Variants in ELF5 observed in about 807,000 individuals in gnomAD.
ELF5 encodes the protein ETS-related transcription factor Elf-5.
In ELF5, 31 loss-of-function variants were observed where a neutral mutation model predicts 38.2. The ratio of observed to expected loss-of-function variants is 0.81; its 90% CI spans 0.61 to 1.10. The LOEUF (loss-of-function observed/expected upper bound fraction) is 1.10. ELF5 is among the 50% of genes least tolerant of loss of function. The pLI is 0.00. For synonymous variants in ELF5, 121 were observed against 112.5 expected (o/e 1.08, Z -0.48); for missense variants, 300 against 306.6 (o/e 0.98, Z 0.16).
intron 2 of ELF5, among the ~76,000 whole-genome samples, chr11:34,505,088 G>C (rs1394535050): frequency 6.6e-6 from 1 of 152,158 alleles, no homozygotes; most frequent in Non-Finnish European, 1.5e-5. Flanking sequence ...AACTTGCATG[G>C]AGCTTAACTG....
At chr11:34,484,311 T>C (rs1857015203) in intron 4 of ELF5, among the ~76,000 whole-genome samples, 1 of 151,702 alleles carries the variant, frequency 6.6e-6, no homozygotes, top group African/African-American at 2.4e-5. Context: ...ATACTAACTA[T>C]ACTGTACCAT....
chr11:34,482,239 C>T (rs1856957919), intron 5 of ELF5, among the ~76,000 whole-genome samples, 192 bp downstream of exon 5: 1 of 152,228 alleles, frequency 6.6e-6, no homozygotes, highest in Non-Finnish European at 1.5e-5. Context: ...CTTAATCTCA[C>T]CCACTCGTAT....
At chr11:34,493,263 T>C in intron 3 of ELF5, 1 of 607,132 alleles carries the variant, frequency 1.6e-6, no homozygotes, top group Non-Finnish European at 2.9e-6. Context: ...TCTCTTTTTT[T>C]AAATGCACTC....
chr11:34,504,135 A>G (rs1850545537), intron 2 of ELF5, among the ~76,000 whole-genome samples: 1 of 152,190 alleles, frequency 6.6e-6, no homozygotes, highest in Admixed American at 6.5e-5. Context: ...CCTTATGCAT[A>G]GGTAGAGAGA....
At chr11:34,508,513 A>AT (rs1850668724) in intron 1 of ELF5, among the ~76,000 whole-genome samples, 1 of 148,578 alleles carries the variant, frequency 6.7e-6, no homozygotes, top group Non-Finnish European at 1.5e-5. Context: ...ACAAAAAAAT[A>AT]AAAAATAAAA....
At chr11:34,483,727 G>GTACTA (rs967590313) in intron 4 of ELF5, among the ~76,000 whole-genome samples, 2 of 151,596 alleles carry the variant, frequency 1.3e-5, no homozygotes, top group African/African-American at 4.9e-5. Context: ...ATGCTATACT[G>GTACTA]TACTATACTA....
At chr11:34,513,523 G>A (rs1378169249) in intron 1 of ELF5, among the ~76,000 whole-genome samples, 154 bp downstream of exon 1, 4 of 152,258 alleles carry the variant, frequency 2.6e-5, no homozygotes, top group Non-Finnish European at 5.9e-5. Context: ...CGTCACATCC[G>A]TGTCAAACAG....
At chr11:34,490,124 G>C (rs1590327316) in intron 3 of ELF5, 65 bp from the exon 4 acceptor site, 3 of 1,570,510 alleles carry the variant, frequency 1.9e-6, no homozygotes, top group Non-Finnish European at 2.6e-6. Flanking sequence ...GCCAGGCCAG[G>C]AGAGGGGGTG....
At chr11:34,507,214 A>G (rs186638622) in intron 1 of ELF5, among the ~76,000 whole-genome samples, 1 of 152,362 alleles carries the variant, frequency 6.6e-6, no homozygotes, top group East Asian at 1.9e-4. Context: ...ATTCTGCAGC[A>G]TGTGCGGCCC....
At chr11:34,498,724 A>G (rs1850378135) in intron 2 of ELF5, among the ~76,000 whole-genome samples, 1 of 152,224 alleles carries the variant, frequency 6.6e-6, no homozygotes. Flanking sequence ...TCAGAGGGTG[A>G]GTCCATTAAT....
At chr11:34,481,704 T>A (rs1029844096) in intron 5 of ELF5, among the ~76,000 whole-genome samples, 1 of 152,218 alleles carries the variant, frequency 6.6e-6, no homozygotes, top group African/African-American at 2.4e-5. Context: ...GTATTTCTCT[T>A]ATTCTATGAT....
At chr11:34,493,426 T>A (rs758725592) in intron 3 of ELF5, 53 bp downstream of exon 3, 1 of 1,540,750 alleles carries the variant, frequency 6.5e-7, no homozygotes, top group South Asian at 1.2e-5. Flanking sequence ...CTCAAAGTTG[T>A]TTGGTCCTAA....
At chr11:34,497,641 A>T (rs1354444393) in intron 2 of ELF5, among the ~76,000 whole-genome samples, 1 of 152,168 alleles carries the variant, frequency 6.6e-6, no homozygotes, top group Non-Finnish European at 1.5e-5. Flanking sequence ...GACAGTGGGG[A>T]TTGGAAAGTT....
intron 1 of ELF5, among the ~76,000 whole-genome samples, chr11:34,508,533 TA>T (rs1189860379): frequency 3.3e-5 from 5 of 151,818 alleles, no homozygotes; most frequent in South Asian, 4.2e-4. Context: ...AAATAAAAAA[TA>T]AAAAAAACTT....
At chr11:34,483,281 C>T (rs927305831) in intron 4 of ELF5, among the ~76,000 whole-genome samples, 3 of 151,928 alleles carry the variant, frequency 2.0e-5, no homozygotes, top group African/African-American at 4.8e-5. Context: ...GCACATCCTC[C>T]CCACTGCTCC....
At chr11:34,500,978 AAATT>A (rs1382001495) in intron 2 of ELF5, among the ~76,000 whole-genome samples, 1 of 151,266 alleles carries the variant, frequency 6.6e-6, no homozygotes, top group Non-Finnish European at 1.5e-5. Context: ...TTATCATGCT[AAATT>A]ATTTGTGCTT....
At chr11:34,509,310 A>AG (rs1850694037) in intron 1 of ELF5, among the ~76,000 whole-genome samples, 1 of 152,146 alleles carries the variant, frequency 6.6e-6, no homozygotes, top group Non-Finnish European at 1.5e-5. Flanking sequence ...CCTGGGTGAC[A>AG]GAGTGAGACT....
intron 4 of ELF5, among the ~76,000 whole-genome samples, chr11:34,483,450 G>A (rs960317728): frequency 4.6e-5 from 7 of 151,840 alleles, no homozygotes; most frequent in African/African-American, 9.7e-5. Context: ...CAGTATCATC[G>A]AGCAGCCACT....
In ELF5 at chr11:34,480,284, C is replaced by A. The variant is rs1856903677; in HGVS notation, c.702G>T (p.Arg234=). 1.2e-6 allele frequency: 2 copies of A among 1,613,862 alleles called. No homozygotes were observed. Among genetic ancestry groups the A allele is most frequent in the African/African-American group, 2.7e-5 (2 of 74,852 alleles). Residue 234 remains arginine, a synonymous_variant, in exon 7 of 7, where the codon CGG becomes CGT. Coordinates refer to ENST00000257832, the MANE Select transcript of ELF5 (RefSeq NM_001422.4). ...RYYYKTGILE[R]VDRRLVYKFG... ...ATTTGTACACTAACCTTCGGTCAAC[C>A]CGCTCCAAAATTCCTGTTTTATAGT...
Sources: gnomAD v4.1 joint callset for allele counts (sites outside exome capture counted in the v4.1 genomes callset) on GRCh38, gnomAD v4.1.1 for gene constraint, MANE v1.5 for transcripts, NCBI Gene and HGNC (gene_info 2026-07-23, HGNC 2026-07-21) for gene names.